The following KCNU1 variants were observed in gnomAD, a reference collection of about 807,000 sequenced individuals.
The protein encoded by KCNU1 is potassium channel subfamily U member 1.
A neutral mutation model predicts 126.8 loss-of-function variants in KCNU1; 93 were observed. That is an observed-to-expected ratio of 0.73 (90% CI 0.62 to 0.87). The LOEUF is 0.87. KCNU1 is among the 40% of genes least tolerant of loss of function. The probability of loss-of-function intolerance (pLI) is 0.00; values close to 1 mark genes in which losing one functional copy is unlikely to be tolerated. For missense variants in KCNU1, 1,330 were observed against 1,367.1 expected (o/e 0.97, Z 0.43); for synonymous variants, 523 against 494.2 (o/e 1.06, Z -0.77).
chr8:36,922,172 C>T (rs556588529), intron 23 of KCNU1, among the ~76,000 whole-genome samples: 43 of 152,266 alleles, frequency 2.8e-4, no homozygotes, highest in African/African-American at 1.0e-3. Context: ...CCCTTTTGCT[C>T]CCCCAAAATA....
chr8:36,830,020 T>C (rs1298397147), intron 10 of KCNU1, among the ~76,000 whole-genome samples: 1 of 149,340 alleles, frequency 6.7e-6, no homozygotes, highest in Non-Finnish European at 1.5e-5. Flanking sequence ...TAAATAATTA[T>C]ATTTATATTA....
intron 22 of KCNU1, among the ~76,000 whole-genome samples, chr8:36,914,321 T>C (rs973837908): frequency 2.6e-5 from 4 of 152,194 alleles, no homozygotes; most frequent in African/African-American, 9.6e-5. Flanking sequence ...GAGGCAGTTT[T>C]GATTTTCACC....
intron 10 of KCNU1, among the ~76,000 whole-genome samples, chr8:36,818,447 C>T (rs150508131): frequency 4.4e-4 from 67 of 152,072 alleles, no homozygotes; most frequent in Non-Finnish European, 7.5e-4. Context: ...TAGCCATTTC[C>T]TGTTATATGT....
intron 19 of KCNU1, among the ~76,000 whole-genome samples, chr8:36,895,628 C>T (rs543193620): frequency 6.6e-6 from 1 of 152,182 alleles, no homozygotes; most frequent in African/African-American, 2.4e-5. Flanking sequence ...TCTTTATATA[C>T]TTCCCATGCT....
intron 18 of KCNU1, among the ~76,000 whole-genome samples, chr8:36,856,947 G>A (rs28665324): frequency 0.027 from 4,178 of 152,326 alleles, 195 homozygotes; most frequent in African/African-American, 0.095. Flanking sequence ...CCTTGGGCTT[G>A]AAATTCTTGA....
At chr8:36,806,228 G>T in intron 4 of KCNU1, 41 bp from the exon 5 acceptor site, 1 of 1,317,192 alleles carries the variant, frequency 7.6e-7, no homozygotes, top group South Asian at 1.3e-5. Context: ...TAAAATTCTT[G>T]AGGGTAACAG....
Position 36,824,819 on chromosome 8 carries a change from T to C in KCNU1, c.1106+7059T>C, listed in dbSNP as rs148801318. On this transcript the variant is annotated intron_variant, in intron 10 of 26. Transcript: ENST00000399881. ...CATATTGCAACTGGAAATAGTTGTA[T>C]AATACTTATTGTTATTGCTGTGTAG... 6.8e-3 allele frequency among the ~76,000 whole-genome samples: 1,035 copies of C among 152,320 alleles called. 20 individuals are homozygous for C. The highest frequency in any genetic ancestry group is 0.024 in the African/African-American group (986 of 41,562).
chr8:36,815,380 T>C (rs2130464506), intron 8 of KCNU1, among the ~76,000 whole-genome samples: 1 of 152,298 alleles, frequency 6.6e-6, no homozygotes, highest in East Asian at 1.9e-4. Context: ...GTCCTTTGCT[T>C]TCATCATTTT....
At chr8:36,839,905 T>A (rs183270019) in intron 14 of KCNU1, among the ~76,000 whole-genome samples, 27 of 152,268 alleles carry the variant, frequency 1.8e-4, no homozygotes, top group Admixed American at 3.9e-4. Context: ...TCCTTTCACA[T>A]CTCCCATTTC....
intron 7 of KCNU1, among the ~76,000 whole-genome samples, 188 bp downstream of exon 7, chr8:36,808,981 A>G (rs977958717): frequency 1.2e-4 from 18 of 152,068 alleles, no homozygotes; most frequent in Non-Finnish European, 2.9e-5. Flanking sequence ...CCTACAATCA[A>G]GGTGTCTCTG....
chr8:36,920,444 G>A (rs770463127), intron 23 of KCNU1, among the ~76,000 whole-genome samples: 7 of 152,212 alleles, frequency 4.6e-5, no homozygotes, highest in Non-Finnish European at 8.8e-5. Flanking sequence ...CACTGACCCA[G>A]AGGTGCATCT....
chr8:36,932,930 C>T lies in KCNU1; in HGVS notation c.2942C>T (p.Thr981Ile), dbSNP rs781124992. 1.3e-6 allele frequency: 2 copies of T among 1,564,386 alleles called. No homozygotes were observed. The highest frequency in any genetic ancestry group is 1.7e-6 in the Non-Finnish European group (2 of 1,151,274). The change falls in exon 26 of 27, where the codon ACC (threonine) becomes ATC (isoleucine). Residue 981 changes from threonine to isoleucine, a missense_variant. Around this residue, in one of 3 missense-constraint regions of KCNU1, gnomAD observed 1,054 missense variants for 1,053.9 expected, o/e 1.00. Coordinates refer to ENST00000399881, the MANE Select transcript of KCNU1 (RefSeq NM_001031836.3). ...TILSDVNPRN[T>I]FGQLFCGSLD... Reference sequence around the variant, plus strand: ...CTCTTCTCTCCCCAGCCAAGAAACACCTTTGGACAACTGTTCTGTGGCTCA... The same window carrying T: ...CTCTTCTCTCCCCAGCCAAGAAACATCTTTGGACAACTGTTCTGTGGCTCA...
rs185122055 is a variant in KCNU1, at chr8:36,855,363, C to T, written c.1892-9041C>T. On this transcript the variant is annotated intron_variant, in intron 18 of 26. Transcript: ENST00000399881. The stretch of plus-strand genomic sequence containing the variant: ...ACACTCCCTGGGGATAGGCTTGTAG[C>T]ACTAGATACATGCAAATGAGGCTGA... Among the ~76,000 whole-genome samples, 161 of 152,168 alleles carry T rather than the reference C, an allele frequency of 1.1e-3. 1 individual carries two copies. The highest frequency in any genetic ancestry group is 7.5e-3 in the Admixed American group (115 of 15,264).
chr8:36,879,609 G>T (rs188707973), intron 19 of KCNU1, among the ~76,000 whole-genome samples: 1 of 152,068 alleles, frequency 6.6e-6, no homozygotes, highest in Non-Finnish European at 1.5e-5. Flanking sequence ...AATAAGGAAG[G>T]CTTCCTGCAG....
intron 2 of KCNU1, among the ~76,000 whole-genome samples, chr8:36,799,054 G>A (rs7843254): frequency 3.3e-5 from 5 of 152,082 alleles, no homozygotes; most frequent in African/African-American, 9.7e-5. Flanking sequence ...CCCAGGCACC[G>A]GGGTGCAGAA....
At chr8:36,836,763 A>G (rs753864158) in intron 13 of KCNU1, 30 bp from the exon 14 acceptor site, 2 of 1,608,816 alleles carry the variant, frequency 1.2e-6, no homozygotes, top group Non-Finnish European at 1.7e-6. Context: ...TTTATTCCTA[A>G]TGTTTGACCT....
intron 24 of KCNU1, among the ~76,000 whole-genome samples, chr8:36,928,087 G>A (rs769372794): frequency 6.6e-6 from 1 of 151,912 alleles, no homozygotes; most frequent in Admixed American, 6.6e-5. Flanking sequence ...AAAGGTCTGT[G>A]GCAGAGAACC....
chr8:36,827,455 G>C (rs1804366883), intron 10 of KCNU1, among the ~76,000 whole-genome samples: 1 of 152,118 alleles, frequency 6.6e-6, no homozygotes, highest in African/African-American at 2.4e-5. Flanking sequence ...CTTCTGAATT[G>C]TAAAATGCGT....
intron 1 of KCNU1, among the ~76,000 whole-genome samples, chr8:36,786,996 G>T (rs1264657726): frequency 6.6e-6 from 1 of 152,180 alleles, no homozygotes; most frequent in African/African-American, 2.4e-5. Context: ...AAGGAGGCAT[G>T]ATGCTCCCAA....
Sources: gnomAD v4.1 joint callset for allele counts (sites outside exome capture counted in the v4.1 genomes callset) on GRCh38, gnomAD v4.1.1 for gene constraint, gnomAD v4.1.1 regional missense constraint, MANE v1.5 for transcripts, NCBI Gene and HGNC (gene_info 2026-07-23, HGNC 2026-07-21) for gene names.